The following GABRG2 variants were observed in gnomAD, a reference collection of about 807,000 sequenced individuals.
GABRG2 encodes gamma-aminobutyric acid type A receptor subunit gamma2.
GABRG2 carries 16 observed loss-of-function variants against 56.4 expected under a neutral mutation model. The observed-to-expected ratio is 0.28, with a 90% CI of 0.19 to 0.43. The LOEUF (loss-of-function observed/expected upper bound fraction) is 0.43, where lower values mean the gene tolerates loss of function less well. GABRG2 is among the 20% of genes least tolerant of loss of function. The pLI, the probability that GABRG2 is intolerant of heterozygous loss-of-function variation, is 1.00. For missense variants in GABRG2, 327 were observed against 582.7 expected (o/e 0.56, Z 4.52); for synonymous variants, 208 against 205.5 (o/e 1.01, Z -0.10).
At chr5:162,128,836 G>A (rs1450251852) in intron 6 of GABRG2, among the ~76,000 whole-genome samples, 2 of 151,926 alleles carry the variant, frequency 1.3e-5, no homozygotes, top group Non-Finnish European at 2.9e-5. Flanking sequence ...TTAATGGAAT[G>A]CCATTGTGAG....
intron 1 of GABRG2, among the ~76,000 whole-genome samples, chr5:162,088,189 C>G (rs1760279834): frequency 6.6e-6 from 1 of 152,084 alleles, no homozygotes; most frequent in African/African-American, 2.4e-5. Flanking sequence ...TTGAACACCA[C>G]TATGTCTCTA....
At chr5:162,117,651 TA>T (rs1386790361) in intron 6 of GABRG2, among the ~76,000 whole-genome samples, 2 of 152,164 alleles carry the variant, frequency 1.3e-5, no homozygotes, top group African/African-American at 2.4e-5. Context: ...AACAATAATT[TA>T]AAATATTGCC....
Position 162,098,967 on chromosome 5 carries a change from A to G in GABRG2, c.548+1109A>G, listed in dbSNP as rs1344977062. 4 of 152,148 alleles carry G rather than the reference A, an allele frequency of 2.6e-5. No individual in the cohort carries two copies. In the East Asian group the frequency reaches 5.8e-4, roughly 22 times the overall value. 9.4% of individuals were successfully genotyped at this position (152,148 alleles called of 1,614,324 possible). ...GTTGCTATAAGGACAAAATAGGGTG[A>G]TAAGTAAAGTGATTAACATAGAGCC... On this transcript the variant is annotated intron_variant, in intron 4 of 9. Transcript: ENST00000639213.
chr5:162,149,591 C>T (rs984688427), intron 8 of GABRG2: 2 of 747,528 alleles, frequency 2.7e-6, no homozygotes, highest in African/African-American at 3.4e-5. Context: ...GAAATGTGAC[C>T]TTCTTCTTGT....
intron 6 of GABRG2, 110 bp downstream of exon 6, chr5:162,104,136 T>C (rs1761635894): frequency 3.0e-6 from 3 of 990,690 alleles, no homozygotes; most frequent in Non-Finnish European, 4.8e-6. Flanking sequence ...ATCAGAAAAT[T>C]AAATGAAGTG....
Position 162,148,125 on chromosome 5 carries a change from T to G in GABRG2, c.923-983T>G, listed in dbSNP as rs548575203. ...TATAGGTTGTCTTGACATTGTTCCC[T>G]GTCACTAAACAACCACTGGAGAGGA... On this transcript the variant is annotated intron_variant, in intron 7 of 9. Coordinates refer to ENST00000639213, the MANE Select transcript of GABRG2 (RefSeq NM_198904.4). Among the ~76,000 whole-genome samples the G allele has an allele frequency of 5.9e-5, 9 of 152,366 alleles. No individual in the cohort carries two copies. In the East Asian group the frequency reaches 1.7e-3, roughly 29 times the overall value.
chr5:162,076,407 T>TTC (rs1759111308), intron 1 of GABRG2, among the ~76,000 whole-genome samples: 1 of 152,178 alleles, frequency 6.6e-6, no homozygotes, highest in South Asian at 2.1e-4. Flanking sequence ...TTTCTAATTC[T>TTC]TCAGTTTCTT....
At chr5:162,153,063 G>T (rs1160350044) in intron 9 of GABRG2, 30 bp from the exon 10 acceptor site, 3 of 1,613,634 alleles carry the variant, frequency 1.9e-6, no homozygotes, top group South Asian at 1.1e-5. Flanking sequence ...ACAACTAACT[G>T]ATCCCTCTCC....
chr5:162,069,369 A>T (rs1411070116), intron 1 of GABRG2, among the ~76,000 whole-genome samples: 3 of 152,230 alleles, frequency 2.0e-5, no homozygotes, highest in Admixed American at 1.3e-4. Flanking sequence ...TATAGAAAAT[A>T]TCAAGACAGT....
At chr5:162,074,379 G>A (rs7730798) in intron 1 of GABRG2, among the ~76,000 whole-genome samples, 1,953 of 152,096 alleles carry the variant, frequency 0.013, 53 homozygotes, top group African/African-American at 0.045. Flanking sequence ...CAACATAATC[G>A]TGGAGAAAAC....
At chr5:162,080,851 T>G (rs1402002852) in intron 1 of GABRG2, among the ~76,000 whole-genome samples, 1 of 152,200 alleles carries the variant, frequency 6.6e-6, no homozygotes, top group Non-Finnish European at 1.5e-5. Flanking sequence ...ATTATGTCAA[T>G]GATTTAAAAC....
At chr5:162,109,616 T>C (rs1450622430) in intron 6 of GABRG2, among the ~76,000 whole-genome samples, 1 of 151,712 alleles carries the variant, frequency 6.6e-6, no homozygotes, top group African/African-American at 2.4e-5. Flanking sequence ...AAGGTGATTA[T>C]AGATAATGGT....
rs1242649084 is a variant in GABRG2, at chr5:162,153,305, C to A, written c.1365C>A (p.Ile455=). Residue 455 remains isoleucine, a synonymous_variant, in exon 10 of 10, where the codon ATC becomes ATA. Transcript: ENST00000639213. The part of the protein sequence containing the change: ...RIAKMDSYAR[I]FFPTAFCLFN... ...CCAAAATGGACTCCTATGCTCGGAT[C>A]TTCTTCCCCACTGCCTTCTGCCTGT... is the stretch of plus-strand genomic sequence containing the variant. 3 of 1,614,038 alleles carry A rather than the reference C, an allele frequency of 1.9e-6. No individual in the cohort carries two copies. The highest frequency in any genetic ancestry group is 1.7e-6 in the Non-Finnish European group (2 of 1,179,970).
chr5:162,085,551 T>A (rs1463545898), intron 1 of GABRG2, among the ~76,000 whole-genome samples: 1 of 147,898 alleles, frequency 6.8e-6, no homozygotes, highest in Non-Finnish European at 1.5e-5. Flanking sequence ...TAGTACTTTT[T>A]TTTCTTCTTT....
intron 4 of GABRG2, 132 bp from the exon 5 acceptor site, chr5:162,101,103 A>G (rs910644730): frequency 1.4e-6 from 1 of 712,150 alleles, no homozygotes; most frequent in Non-Finnish European, 2.5e-6. Flanking sequence ...GGATTTCTTC[A>G]TTGGGGATCA....
At chr5:162,077,594 A>C (rs945415886) in intron 1 of GABRG2, among the ~76,000 whole-genome samples, 1 of 152,168 alleles carries the variant, frequency 6.6e-6, no homozygotes, top group African/African-American at 2.4e-5. Flanking sequence ...AGTCATTGCA[A>C]CCTTAGATAT....
At chr5:162,136,998 C>T (rs1354362685) in intron 6 of GABRG2, among the ~76,000 whole-genome samples, 1 of 152,124 alleles carries the variant, frequency 6.6e-6, no homozygotes, top group East Asian at 1.9e-4. Flanking sequence ...ATTGAATGTA[C>T]TCCAGAAGAG....
intron 1 of GABRG2, among the ~76,000 whole-genome samples, chr5:162,071,138 C>CAT (rs986623914): frequency 6.0e-5 from 9 of 151,238 alleles, no homozygotes; most frequent in African/African-American, 2.2e-4. Context: ...AACATATATA[C>CAT]ATATATAAAT....
chr5:162,142,352 A>T (rs1193583261), intron 7 of GABRG2, 36 bp downstream of exon 7: 1 of 1,608,252 alleles, frequency 6.2e-7, no homozygotes, highest in Admixed American at 1.7e-5. Flanking sequence ...GTTTCTCAAG[A>T]TAAGTACCAA....
Sources: gnomAD v4.1 joint callset for allele counts (sites outside exome capture counted in the v4.1 genomes callset) on GRCh38, gnomAD v4.1.1 for gene constraint, MANE v1.5 for transcripts, NCBI Gene and HGNC (gene_info 2026-07-23, HGNC 2026-07-21) for gene names.